ROBO2: variants seen among roughly 807,000 people sequenced by gnomAD.
ROBO2 encodes the protein roundabout homolog 2.
ROBO2 carries 53 observed loss-of-function variants against 160.8 expected under a neutral mutation model. The ratio of observed to expected loss-of-function variants is 0.33; its 90% CI spans 0.26 to 0.41. The LOEUF (loss-of-function observed/expected upper bound fraction) is 0.41. Among genes scored for constraint, ROBO2 ranks in the 10% least tolerant of loss-of-function variants. The probability of loss-of-function intolerance (pLI) is 1.00; values close to 1 mark genes in which losing one functional copy is unlikely to be tolerated. For missense variants in ROBO2, 1,577 were observed against 1,722.4 expected (o/e 0.92, Z 1.49); for synonymous variants, 664 against 611.7 (o/e 1.09, Z -1.26).
At chr3:77,298,464 G>T (rs180848528) in intron 2 of ROBO2, among the ~76,000 whole-genome samples, 1 of 152,260 alleles carries the variant, frequency 6.6e-6, no homozygotes, top group Admixed American at 6.5e-5. Flanking sequence ...AATGCCTAGA[G>T]TCCAGACTCT....
At chr3:77,445,781 A>G (rs2080415796) in intron 2 of ROBO2, among the ~76,000 whole-genome samples, 2 of 127,036 alleles carry the variant, frequency 1.6e-5, no homozygotes, top group Non-Finnish European at 3.4e-5. Context: ...AAACAATTAA[A>G]AGGTTTTTTT....
chr3:76,948,766 C>G, intron 2 of ROBO2, among the ~76,000 whole-genome samples: 1 of 142,326 alleles, frequency 7.0e-6, no homozygotes, highest in Non-Finnish European at 1.5e-5. Flanking sequence ...AGTGCAGTGG[C>G]GCGATCTTGG....
At chr3:76,539,603 A>T (rs577650082) in intron 2 of ROBO2, among the ~76,000 whole-genome samples, 1 of 152,292 alleles carries the variant, frequency 6.6e-6, no homozygotes, top group South Asian at 2.1e-4. Flanking sequence ...CATCTTCAAA[A>T]ATGTGAAATT....
At chr3:77,399,635 A>G (rs1184043379) in intron 2 of ROBO2, among the ~76,000 whole-genome samples, 1 of 152,154 alleles carries the variant, frequency 6.6e-6, no homozygotes, top group Non-Finnish European at 1.5e-5. Flanking sequence ...AAATTGATTT[A>G]ATTGGTCATG....
chr3:77,412,626 T>G (rs1581742512), intron 2 of ROBO2, among the ~76,000 whole-genome samples: 5 of 152,140 alleles, frequency 3.3e-5, no homozygotes, highest in Admixed American at 1.3e-4. Flanking sequence ...TTGGGCAATC[T>G]CTGAGCAGCC....
chr3:77,617,622 C>T lies in ROBO2; in HGVS notation c.3403C>T (p.Arg1135Ter), dbSNP rs2153702992. Reference sequence around the variant, plus strand: ...TGATAGGGTCCCAACACCTCCTGTTCGAGGCGTGGCTTCTTCTCCTGCTAT... The same window carrying T: ...TGATAGGGTCCCAACACCTCCTGTTTGAGGCGTGGCTTCTTCTCCTGCTAT... Residue 1135 changes from arginine to a stop codon, truncating the protein, a stop_gained, in exon 22 of 26, where the codon CGA becomes TGA. Transcript: ENST00000461745. LOFTEE classifies it high-confidence loss of function. The T allele has an allele frequency of 1.9e-6, 3 of 1,614,114 alleles. No individual in the cohort carries two copies. Among genetic ancestry groups the T allele is most frequent in the Non-Finnish European group, 2.5e-6 (3 of 1,180,006 alleles).
intron 2 of ROBO2, among the ~76,000 whole-genome samples, chr3:77,032,600 A>G (rs1473204888): frequency 2.0e-5 from 3 of 152,300 alleles, no homozygotes; most frequent in Non-Finnish European, 4.4e-5. Context: ...ATTTGTCAGC[A>G]CAGGTGAAGT....
chr3:76,552,229 C>G (rs2083464295), intron 2 of ROBO2, among the ~76,000 whole-genome samples: 1 of 152,114 alleles, frequency 6.6e-6, no homozygotes, highest in Non-Finnish European at 1.5e-5. Flanking sequence ...AATACTATAC[C>G]ATTTTATATC....
intron 2 of ROBO2, among the ~76,000 whole-genome samples, chr3:76,206,718 T>C (rs1019874502): frequency 2.0e-5 from 3 of 152,214 alleles, no homozygotes; most frequent in Non-Finnish European, 4.4e-5. Flanking sequence ...CTGTTTCATC[T>C]TGGAAGATAT....
At chr3:77,069,840 T>A (rs557314298) in intron 1 of ROBO2, among the ~76,000 whole-genome samples, 1 of 151,978 alleles carries the variant, frequency 6.6e-6, no homozygotes, top group Non-Finnish European at 1.5e-5. Context: ...CTCTGAAGGC[T>A]CTAGGGAAGA....
intron 2 of ROBO2, among the ~76,000 whole-genome samples, chr3:77,179,304 A>G (rs2080464103): frequency 6.6e-6 from 1 of 151,828 alleles, no homozygotes. Flanking sequence ...AGTTTTCCTA[A>G]TAAGCCTGCA....
At chr3:77,545,829 T>C (rs768351383) in intron 6 of ROBO2, among the ~76,000 whole-genome samples, 3 of 152,116 alleles carry the variant, frequency 2.0e-5, no homozygotes, top group Non-Finnish European at 2.9e-5. Context: ...TTTCAACTCT[T>C]GAATTCTAGA....
At chr3:76,465,508 T>G (rs1472120686) in intron 2 of ROBO2, among the ~76,000 whole-genome samples, 2 of 152,030 alleles carry the variant, frequency 1.3e-5, no homozygotes, top group African/African-American at 4.8e-5. Flanking sequence ...ACTGGATGAT[T>G]AATTCAGAAA....
intron 2 of ROBO2, among the ~76,000 whole-genome samples, chr3:76,185,936 A>ATT (rs11369944): frequency 0.011 from 1,521 of 143,716 alleles, 24 homozygotes; most frequent in East Asian, 0.036. Context: ...GGAAACACAG[A>ATT]TTTTTTTTTT....
chr3:77,601,119 A>C (rs564790347), intron 19 of ROBO2, among the ~76,000 whole-genome samples: 1 of 152,258 alleles, frequency 6.6e-6, no homozygotes, highest in Admixed American at 6.5e-5. Context: ...TTCAAAAGCA[A>C]AAGTAATATT....
rs965714924 is a variant in ROBO2, at chr3:77,546,713, C to T, written c.1059+251C>T. The stretch of plus-strand genomic sequence containing the variant: ...CAATAAAGCAGTGTAACAAAATTAT[C>T]GTTAAAAGTCCAACCAAAACCTCTG... On this transcript the variant is annotated intron_variant, in intron 7 of 25. Coordinates refer to ENST00000461745, the Ensembl canonical transcript of ROBO2. 1.2e-4 allele frequency among the ~76,000 whole-genome samples: 18 copies of T among 152,054 alleles called. No individual in the cohort carries two copies. In the East Asian group the frequency reaches 1.9e-3, roughly 16 times the overall value.
At chr3:77,503,108 G>A (rs139321122) in intron 5 of ROBO2, among the ~76,000 whole-genome samples, 2,689 of 152,032 alleles carry the variant, frequency 0.018, 75 homozygotes, top group African/African-American at 0.059. Context: ...AAATTCTTGA[G>A]GGGATGGATA....
chr3:77,018,230 G>A (rs1049459025), intron 2 of ROBO2, among the ~76,000 whole-genome samples: 7 of 152,008 alleles, frequency 4.6e-5, no homozygotes, highest in Non-Finnish European at 7.4e-5. Context: ...AGCCTCCCAA[G>A]TAGCTGGGAT....
intron 2 of ROBO2, among the ~76,000 whole-genome samples, chr3:77,110,383 T>C (rs548934283): frequency 2.0e-5 from 3 of 152,244 alleles, no homozygotes; most frequent in Non-Finnish European, 4.4e-5. Flanking sequence ...TGTGGACATT[T>C]GCTGACTTAG....
Sources: gnomAD v4.1 joint callset for allele counts (sites outside exome capture counted in the v4.1 genomes callset) on GRCh38, gnomAD v4.1.1 for gene constraint, MANE v1.5 for transcripts, NCBI Gene and HGNC (gene_info 2026-07-23, HGNC 2026-07-21) for gene names.